Variants in SPATA13 observed in about 807,000 individuals in gnomAD.
SPATA13 encodes the protein spermatogenesis associated 13, also known as spermatogenesis-associated protein 13.
A neutral mutation model predicts 104.0 loss-of-function variants in SPATA13; 50 were observed. The observed-to-expected ratio is 0.48, with a 90% CI of 0.38 to 0.61. The LOEUF (loss-of-function observed/expected upper bound fraction) is 0.61, where lower values mean the gene tolerates loss of function less well. SPATA13 is among the 20% of genes least tolerant of loss of function. The pLI is 0.00. For synonymous variants in SPATA13, 606 were observed against 667.5 expected, an observed-to-expected ratio of 0.91 and a Z score of 1.42; for missense variants, 1,524 against 1,690.6, an observed-to-expected ratio of 0.90 and a Z score of 1.73.
At chr13:24,127,071 T>C (rs1341750667) in intron 3 of SPATA13, among the ~76,000 whole-genome samples, 1 of 152,200 alleles carries the variant, frequency 6.6e-6, no homozygotes, top group African/African-American at 2.4e-5. Flanking sequence ...ATTACCTCCT[T>C]AAAGCATTGA....
At chr13:24,056,430 C>T (rs1012035) in intron 3 of SPATA13, among the ~76,000 whole-genome samples, 71,678 of 152,130 alleles carry the variant, frequency 0.47, 18,129 homozygotes, top group Non-Finnish European at 0.57. Context: ...CTTGTTATTC[C>T]ATTTCCATAC....
At chr13:23,982,714 C>A (rs1874958954) in intron 1 of SPATA13, among the ~76,000 whole-genome samples, 1 of 152,196 alleles carries the variant, frequency 6.6e-6, no homozygotes, top group Non-Finnish European at 1.5e-5. Context: ...GAATTCACAT[C>A]ACCATTTTTT....
intron 3 of SPATA13, among the ~76,000 whole-genome samples, chr13:24,059,514 G>C (rs1391087250): frequency 2.0e-5 from 3 of 152,204 alleles, no homozygotes; most frequent in Non-Finnish European, 4.4e-5. Context: ...TAACGCTTTT[G>C]TTTCTGAGGT....
At chr13:24,275,605 A>G (rs74877607) in intron 4 of SPATA13, among the ~76,000 whole-genome samples, 10,430 of 152,286 alleles carry the variant, frequency 0.068, 388 homozygotes, top group African/African-American at 0.083. Flanking sequence ...AATTTGGAGC[A>G]GTCTTTGCTT....
rs1875768815 is a variant in SPATA13, at chr13:24,284,402, A to T, written c.2301+131A>T. ...AAAACCTGGAACTCTGATTAAAACA[A>T]CACTGTGATTCACTTTGGAAGGCCA... On this transcript the variant is annotated intron_variant, in intron 5 of 12. Coordinates refer to ENST00000382108, the MANE Select transcript of SPATA13 (RefSeq NM_001166271.3). 2.9e-6 allele frequency: 3 copies of T among 1,044,196 alleles called. No individual in the cohort carries two copies. The East Asian group carries it at 7.9e-5, about 28-fold the overall frequency. The allele number at this position is 1,044,196 out of a possible 1,614,324, so 64.7% of individuals were successfully genotyped here. A position where few individuals can be genotyped will look rare whatever the true frequency, so the allele number is the denominator to read the frequency against.
intron 1 of SPATA13, among the ~76,000 whole-genome samples, chr13:24,201,570 A>G (rs1870406595): frequency 6.6e-6 from 1 of 152,098 alleles, no homozygotes; most frequent in Non-Finnish European, 1.5e-5. Context: ...CCTCCTGAGT[A>G]ACTGGGATTA....
intron 3 of SPATA13, chr13:24,123,232 C>G: frequency 6.3e-7 from 1 of 1,597,214 alleles, no homozygotes; most frequent in Non-Finnish European, 8.6e-7. Context: ...CTGATCAATA[C>G]TTGAAGGGCA....
At chr13:24,107,458 A>G (rs984823407) in intron 3 of SPATA13, among the ~76,000 whole-genome samples, 1 of 152,142 alleles carries the variant, frequency 6.6e-6, no homozygotes, top group African/African-American at 2.4e-5. Context: ...AGGAAGGAAT[A>G]AAAGCAAATG....
chr13:24,262,881 G>A (rs17367130), intron 4 of SPATA13, among the ~76,000 whole-genome samples: 10,211 of 152,164 alleles, frequency 0.067, 396 homozygotes, highest in East Asian at 0.12. Flanking sequence ...AGCACTTGGA[G>A]TCTATATGGA....
chr13:24,261,277 C>G (rs1222755710), intron 4 of SPATA13, among the ~76,000 whole-genome samples: 1 of 152,182 alleles, frequency 6.6e-6, no homozygotes, highest in Non-Finnish European at 1.5e-5. Context: ...GGCCAGGGAG[C>G]AGCCATCCGT....
intron 2 of SPATA13, among the ~76,000 whole-genome samples, chr13:24,233,886 AACACAC>A (rs10571334): frequency 0.21 from 30,372 of 147,456 alleles, 3,220 homozygotes; most frequent in South Asian, 0.26. Flanking sequence ...TATACACTTA[AACACAC>A]ACACACACAC....
intron 2 of SPATA13, among the ~76,000 whole-genome samples, chr13:23,993,563 G>A (rs556203105): frequency 9.8e-5 from 15 of 152,288 alleles, no homozygotes; most frequent in Admixed American, 8.5e-4. Flanking sequence ...GGACGTTCTC[G>A]GCCCAGCACC....
chr13:24,030,167 C>A (rs1476297890), intron 3 of SPATA13, among the ~76,000 whole-genome samples: 3 of 152,070 alleles, frequency 2.0e-5, no homozygotes, highest in Non-Finnish European at 2.9e-5. Context: ...AGCTGATGAA[C>A]CAACACTGAC....
intron 1 of SPATA13, among the ~76,000 whole-genome samples, chr13:24,170,989 T>C (rs1761059470): frequency 6.6e-6 from 1 of 151,982 alleles, no homozygotes; most frequent in African/African-American, 2.4e-5. Flanking sequence ...AACTCATCAG[T>C]GCGGGATTCA....
At chr13:24,265,685 A>G (rs1437737745) in intron 4 of SPATA13, among the ~76,000 whole-genome samples, 1 of 152,030 alleles carries the variant, frequency 6.6e-6, no homozygotes, top group Non-Finnish European at 1.5e-5. Context: ...CCTTCCGCCC[A>G]TGTCCTAAAG....
At chr13:24,093,285 C>T (rs1879966831) in intron 3 of SPATA13, among the ~76,000 whole-genome samples, 1 of 152,204 alleles carries the variant, frequency 6.6e-6, no homozygotes. Context: ...TTCATCCTTC[C>T]TGAATAGAAT....
intron 3 of SPATA13, among the ~76,000 whole-genome samples, chr13:24,044,314 TCTCC>T (rs1878052570): frequency 6.9e-6 from 1 of 145,244 alleles, no homozygotes; most frequent in Non-Finnish European, 1.5e-5. Flanking sequence ...CTCACTGCAA[TCTCC>T]ACCTCCTGGG....
chr13:24,150,737 G>A (rs879611197), intron 3 of SPATA13, among the ~76,000 whole-genome samples: 4 of 152,206 alleles, frequency 2.6e-5, no homozygotes, highest in African/African-American at 7.2e-5. Context: ...TCTTGAGGCC[G>A]AAGTCCTTCT....
At chr13:24,072,276 C>G (rs1879189467) in intron 3 of SPATA13, among the ~76,000 whole-genome samples, 1 of 152,202 alleles carries the variant, frequency 6.6e-6, no homozygotes. Context: ...ACTGTTGTCT[C>G]TCTTTAAGTA....
Sources: allele counts gnomAD v4.1 joint callset (sites outside exome capture counted in the v4.1 genomes callset), GRCh38; gene constraint gnomAD v4.1.1; transcripts MANE v1.5; gene names NCBI Gene and HGNC (gene_info 2026-07-23, HGNC 2026-07-21).